Variants in EXOC4 observed in about 807,000 individuals in gnomAD.
EXOC4 encodes the protein SEC8-like 1.
EXOC4 carries 71 observed loss-of-function variants against 107.2 expected under a neutral mutation model. The ratio of observed to expected loss-of-function variants is 0.66; its 90% confidence interval spans 0.55 to 0.81. The LOEUF is 0.81. Among genes scored for constraint, EXOC4 ranks in the 30% least tolerant of loss-of-function variants. EXOC4 has a pLI of 0.00. For missense variants in EXOC4, 1,108 were observed against 1,189.6 expected (o/e 0.93, Z 1.01); for synonymous variants, 456 against 441.2 (o/e 1.03, Z -0.42).
chr7:134,063,002 C>T (rs753572288), intron 17 of EXOC4, among the ~76,000 whole-genome samples: 20 of 152,212 alleles, frequency 1.3e-4, no homozygotes, highest in African/African-American at 7.2e-5. Context: ...GACCATTCTG[C>T]GTTTGATTGT....
intron 11 of EXOC4, among the ~76,000 whole-genome samples, chr7:133,820,064 A>G (rs1294324344): frequency 6.6e-6 from 1 of 151,566 alleles, no homozygotes; most frequent in Non-Finnish European, 1.5e-5. Flanking sequence ...GTCAACATAT[A>G]ATTATATATA....
At chr7:133,579,844 G>A (rs1391801728) in intron 9 of EXOC4, among the ~76,000 whole-genome samples, 4 of 152,024 alleles carry the variant, frequency 2.6e-5, no homozygotes, top group Non-Finnish European at 1.5e-5. Flanking sequence ...GCGCCACCAC[G>A]CCCAGCTAAT....
intron 10 of EXOC4, among the ~76,000 whole-genome samples, chr7:133,645,884 A>G (rs1030291260): frequency 6.6e-6 from 1 of 152,242 alleles, no homozygotes; most frequent in African/African-American, 2.4e-5. Context: ...AATTGTAAAG[A>G]TGAGGCTGAA....
At chr7:133,329,365 A>G (rs1191181668) in intron 5 of EXOC4, among the ~76,000 whole-genome samples, 2 of 152,118 alleles carry the variant, frequency 1.3e-5, no homozygotes, top group African/African-American at 4.8e-5. Flanking sequence ...GGGTTAGAAC[A>G]TGTTCCTTTA....
intron 14 of EXOC4, among the ~76,000 whole-genome samples, chr7:133,951,932 G>A (rs1232931005): frequency 1.3e-5 from 2 of 152,202 alleles, no homozygotes; most frequent in Non-Finnish European, 2.9e-5. Context: ...GGCCAAGGCA[G>A]GTGGATCACC....
chr7:133,427,165 G>C (rs1563061393), intron 7 of EXOC4, among the ~76,000 whole-genome samples: 1 of 151,998 alleles, frequency 6.6e-6, no homozygotes, highest in Non-Finnish European at 1.5e-5. Flanking sequence ...TGTATGTCAG[G>C]CGCCTCATAA....
chr7:133,664,760 A>G (rs748690340), intron 10 of EXOC4, among the ~76,000 whole-genome samples: 9 of 152,164 alleles, frequency 5.9e-5, no homozygotes, highest in Non-Finnish European at 1.3e-4. Flanking sequence ...TGTAATGATG[A>G]ACATTAATGG....
chr7:133,666,592 G>T (rs1049892680), intron 10 of EXOC4, among the ~76,000 whole-genome samples: 1 of 152,132 alleles, frequency 6.6e-6, no homozygotes, highest in African/African-American at 2.4e-5. Flanking sequence ...TAAGCAACTA[G>T]AACCATTACT....
intron 10 of EXOC4, among the ~76,000 whole-genome samples, chr7:133,660,311 T>G (rs983250827): frequency 3.3e-5 from 5 of 152,154 alleles, no homozygotes; most frequent in Admixed American, 2.6e-4. Flanking sequence ...TACTGAGTAT[T>G]TTCCAAGCAA....
intron 12 of EXOC4, among the ~76,000 whole-genome samples, chr7:133,896,449 C>T (rs7810566): frequency 0.15 from 23,140 of 151,852 alleles, 2,079 homozygotes; most frequent in African/African-American, 0.24. Flanking sequence ...AGGTAAAGTG[C>T]AGTACATAAT....
chr7:134,091,806 G>A, the EXOC4 span, among the ~76,000 whole-genome samples: 1 of 152,142 alleles, frequency 6.6e-6, no homozygotes, highest in East Asian at 1.9e-4. Flanking sequence ...TTATACAGGG[G>A]CCTATCTTTA....
chr7:133,734,434 CT>C (rs67012753), intron 10 of EXOC4, among the ~76,000 whole-genome samples: 39 of 145,714 alleles, frequency 2.7e-4, no homozygotes, highest in African/African-American at 8.1e-4. Flanking sequence ...TAATTCTTCA[CT>C]TTTTTTTTTT....
At chr7:133,287,425 T>C (rs1290121757) in intron 2 of EXOC4, among the ~76,000 whole-genome samples, 1 of 152,054 alleles carries the variant, frequency 6.6e-6, no homozygotes, top group Non-Finnish European at 1.5e-5. Flanking sequence ...ATTCTTCTGC[T>C]TCAGCCTCCC....
At chr7:133,783,466 A>G (rs1796507843) in intron 10 of EXOC4, among the ~76,000 whole-genome samples, 1 of 152,232 alleles carries the variant, frequency 6.6e-6, no homozygotes, top group South Asian at 2.1e-4. Context: ...TGGTTCCCTT[A>G]GGACATAACT....
intron 9 of EXOC4, among the ~76,000 whole-genome samples, chr7:133,559,763 C>T (rs558421374): frequency 6.6e-6 from 1 of 152,246 alleles, no homozygotes; most frequent in East Asian, 1.9e-4. Context: ...ATATCGGCTT[C>T]ATTGTTCTTT....
intron 1 of EXOC4, chr7:133,253,451 A>G (rs1794940626): frequency 8.3e-7 from 1 of 1,211,060 alleles, no homozygotes; most frequent in Non-Finnish European, 1.0e-6. Context: ...TCGGGACCCC[A>G]AAGCACGCTA....
chr7:133,591,569 CGT>C (rs918271151), intron 9 of EXOC4, among the ~76,000 whole-genome samples: 246 of 14,564 alleles, frequency 0.017, 1 homozygote, highest in Non-Finnish European at 0.034. Flanking sequence ...TGTGTGTGTG[CGT>C]GTGTGTGTGT....
At position 133,650,937 on chromosome 7, in the gene EXOC4, G is replaced by GTTTTTTTTTTTTTT. The variant is rs200499348; in HGVS notation, c.1514+20808_1514+20821dup. Among the ~76,000 whole-genome samples, 119 of 88,692 alleles carry GTTTTTTTTTTTTTT rather than the reference G, an allele frequency of 1.3e-3. 15 individuals carry two copies. The highest frequency in any genetic ancestry group is 2.1e-3 in the Non-Finnish European group (92 of 44,778). 58.2% of individuals were successfully genotyped at this position (88,692 alleles called of 152,430 possible). A position where few individuals can be genotyped will look rare whatever the true frequency, so the allele number is the denominator to read the frequency against. On this transcript the variant is annotated intron_variant, in intron 10 of 17. Transcript: ENST00000253861. ...TCTTAGTACATACTGAGATTGGTCA[G>GTTTTTTTTTTTTTT]TTTTTTTTTTTTTTTTTTTTTTTTT...
At chr7:133,386,244 C>T (rs1796723501) in intron 7 of EXOC4, among the ~76,000 whole-genome samples, 2 of 152,130 alleles carry the variant, frequency 1.3e-5, no homozygotes, top group East Asian at 1.9e-4. Context: ...TTGGTAGTGG[C>T]TTCAGATTAG....
Sources: gnomAD v4.1 joint callset for allele counts (sites outside exome capture counted in the v4.1 genomes callset) on GRCh38, gnomAD v4.1.1 for gene constraint, MANE v1.5 for transcripts, NCBI Gene and HGNC (gene_info 2026-07-23, HGNC 2026-07-21) for gene names.